Variants in PLXND1 observed in about 807,000 individuals in gnomAD.
PLXND1 encodes the protein plexin-D1.
Under a neutral mutation model 197.7 loss-of-function variants are expected in PLXND1, and 54 were observed. That is an observed-to-expected ratio of 0.27 (90% CI 0.22 to 0.34). The LOEUF (loss-of-function observed/expected upper bound fraction) is 0.34, where lower values mean the gene tolerates loss of function less well. Among genes scored for constraint, PLXND1 ranks in the 10% least tolerant of loss-of-function variants. The pLI is 1.00. For synonymous variants in PLXND1, 1,180 were observed against 1,161.2 expected, an observed-to-expected ratio of 1.02 and a Z score of -0.33; for missense variants, 2,127 against 2,699.2, an observed-to-expected ratio of 0.79 and a Z score of 4.70.
chr3:129,572,818 C>G (rs1276510160), intron 14 of PLXND1, 24 bp downstream of exon 14: 1 of 1,612,470 alleles, frequency 6.2e-7, no homozygotes, highest in East Asian at 2.2e-5. Flanking sequence ...GCGGGCCGGA[C>G]AGTGGGCTGC....
At chr3:129,597,834 A>G (rs951727485) in intron 1 of PLXND1, among the ~76,000 whole-genome samples, 2 of 152,198 alleles carry the variant, frequency 1.3e-5, no homozygotes, top group Admixed American at 1.3e-4. Flanking sequence ...CGTGGCTGGC[A>G]CTCAGAGACT....
rs766102747 is a variant in PLXND1 at position 129,559,693 on chromosome 3, C to T, written c.5224G>A (p.Asp1742Asn). ...KPPLAVKYFF[D>N]FLEEQAEKRG... ...TTCTCAGCCTGCTCCTCCAGGAAGT[C>T]GAAAAAGTACTTGACAGCCAGTGGG... Residue 1742 changes from aspartate (D) to asparagine (N), a missense_variant, in exon 32 of 36, where the codon GAC becomes AAC. This residue lies in a region of PLXND1 where 200 missense variants were observed against 303.3 expected (regional missense o/e 0.66). Coordinates refer to ENST00000324093, the MANE Select transcript of PLXND1 (RefSeq NM_015103.3). 6.2e-6 allele frequency: 10 copies of T among 1,613,230 alleles called. No homozygotes were observed. The highest frequency in any genetic ancestry group is 1.3e-5 in the African/African-American group (1 of 74,888).
intron 29 of PLXND1, chr3:129,561,043 C>A (rs1363208514): frequency 2.3e-5 from 12 of 515,564 alleles, no homozygotes; most frequent in Non-Finnish European, 1.1e-5. Context: ...CACAGTGACC[C>A]GGGATGGAGG....
intron 22 of PLXND1, among the ~76,000 whole-genome samples, 183 bp downstream of exon 22, chr3:129,567,309 G>A (rs2085154628): frequency 6.6e-6 from 1 of 152,188 alleles, no homozygotes; most frequent in Non-Finnish European, 1.5e-5. Context: ...GAGAATGACA[G>A]TGGAGAATCT....
intron 24 of PLXND1, 30 bp from the exon 25 acceptor site, chr3:129,565,568 C>T (rs1171787715): frequency 4.4e-6 from 7 of 1,589,158 alleles, no homozygotes; most frequent in East Asian, 2.2e-5. Flanking sequence ...GTCAACTGCA[C>T]CTTGAGGCCC....
At chr3:129,580,345 C>T (rs935070061) in intron 8 of PLXND1, among the ~76,000 whole-genome samples, 3 of 152,184 alleles carry the variant, frequency 2.0e-5, no homozygotes, top group Non-Finnish European at 4.4e-5. Flanking sequence ...CAAGGAGGGG[C>T]CCAGACGGAG....
At position 129,555,641 on chromosome 3, in the gene PLXND1, T is replaced by C; in HGVS notation, c.*671A>G. 1 of 553,654 alleles carries C rather than the reference T, an allele frequency of 1.8e-6. No homozygotes were observed. Among genetic ancestry groups the C allele is most frequent in the South Asian group, 2.3e-5 (1 of 42,916 alleles). The allele number at this position is 553,654 out of a possible 1,614,324, so 34.3% of individuals were successfully genotyped here. ...TGCATCTTAACCCCTCTCCTTTTCCTGGAGACGGGGCTCCCAGCTCCTGTG... is the reference window on the plus strand; with the variant it reads ...TGCATCTTAACCCCTCTCCTTTTCCCGGAGACGGGGCTCCCAGCTCCTGTG... On this transcript the variant is annotated 3_prime_UTR_variant, in exon 36 of 36. Transcript: ENST00000324093.
At chr3:129,572,995 A>G (rs771308199) in intron 13 of PLXND1, 54 bp from the exon 14 acceptor site, 6 of 1,296,162 alleles carry the variant, frequency 4.6e-6, no homozygotes, top group Non-Finnish European at 6.7e-6. Flanking sequence ...CGGCCACCCT[A>G]GAGCCAGGCT....
chr3:129,562,119 G>T (rs2085070851), intron 27 of PLXND1, among the ~76,000 whole-genome samples: 1 of 152,162 alleles, frequency 6.6e-6, no homozygotes, highest in Admixed American at 6.5e-5. Context: ...AGGTGCCAGG[G>T]TGGAGGGCAC....
chr3:129,563,342 AG>A (rs1272376293), intron 25 of PLXND1, 102 bp from the exon 26 acceptor site: 4 of 965,800 alleles, frequency 4.1e-6, no homozygotes, highest in Non-Finnish European at 6.0e-6. Context: ...CCCCTCCAAC[AG>A]TCTCCTTTTG....
chr3:129,584,039 T>C, intron 7 of PLXND1, 86 bp downstream of exon 7: 1 of 836,372 alleles, frequency 1.2e-6, no homozygotes, highest in South Asian at 1.5e-5. Context: ...TGATTTTTCT[T>C]CTCAGGGCCC....
intron 1 of PLXND1, among the ~76,000 whole-genome samples, chr3:129,604,131 C>T (rs536893085): frequency 3.4e-4 from 52 of 152,176 alleles, no homozygotes; most frequent in Non-Finnish European, 4.0e-4. Flanking sequence ...ACCTGGCCCC[C>T]CTTGCTACTG....
intron 31 of PLXND1, 140 bp from the exon 32 acceptor site, chr3:129,559,923 T>A: frequency 1.4e-6 from 1 of 728,312 alleles, no homozygotes; most frequent in Non-Finnish European, 2.2e-6. Context: ...TCACCGAGCC[T>A]CTCTGGCTCA....
chr3:129,584,502 C>G lies in PLXND1; in HGVS notation c.1912G>C (p.Asp638His). 1 of 1,613,940 alleles carries G rather than the reference C, an allele frequency of 6.2e-7. No homozygotes were observed. ...PSLSGMEMAC[D>H]YGNNIRTVAR... ...ACAGTGCGGATGTTGTTCCCATAGT[C>G]ACAGGCCATCTCCATGCCACTGAGG... The change falls in exon 6 of 36, where the codon GAC becomes CAC. Residue 638 changes from aspartate (D) to histidine (H), a missense_variant. By Grantham distance (81) the Asp-to-His change is moderately conservative. Around this residue, in one of 6 missense-constraint regions of PLXND1, gnomAD observed 1,095 missense variants for 1,259.8 expected, o/e 0.87. Coordinates refer to ENST00000324093, the MANE Select transcript of PLXND1 (RefSeq NM_015103.3).
Position 129,556,195 on chromosome 3 carries a change from AGCCGTCTCT to A in PLXND1, c.*108_*116del, listed in dbSNP as rs1455653447. 3.9e-6 allele frequency: 3 copies of A among 764,834 alleles called. No homozygotes were observed. The Admixed American group carries it at 5.9e-5, about 15-fold the overall frequency. 47.4% of individuals were successfully genotyped at this position (764,834 alleles called of 1,614,324 possible). A position where few individuals can be genotyped will look rare whatever the true frequency, so the allele number is the denominator to read the frequency against. Reference sequence around the variant, plus strand: ...CAGCCCCTCCTCCTGCCCCCGCCCCAGCCGTCTCTGCTCAGTATTTCCCAGTCTGAGTCA... The same window carrying A: ...CAGCCCCTCCTCCTGCCCCCGCCCCAGCTCAGTATTTCCCAGTCTGAGTCA... On this transcript the variant is annotated 3_prime_UTR_variant, in exon 36 of 36. Coordinates refer to ENST00000324093, the MANE Select transcript of PLXND1 (RefSeq NM_015103.3).
Position 129,586,653 on chromosome 3 carries a change from C to T in PLXND1, c.1555G>A (p.Val519Met), listed in dbSNP as rs146955703. 67 of 1,584,672 alleles carry T rather than the reference C, an allele frequency of 4.2e-5. No homozygotes were observed. In the South Asian group the frequency reaches 5.8e-4, roughly 14 times the overall value. The change falls in exon 3 of 36, where the codon GTG (valine) becomes ATG (methionine). Residue 519 changes from valine to methionine, a missense_variant. Coordinates refer to ENST00000324093, the MANE Select transcript of PLXND1 (RefSeq NM_015103.3). ...RVVTVAYGEP[V>M]HHVMQFDPAD... ...GGGTCAAACTGCATGACATGGTGCA[C>T]GGGCTCCCCATAGGCCACAGTCACC...
Position 129,560,323 on chromosome 3 carries a change from G to A in PLXND1, c.5133+7C>T, listed in dbSNP as rs373108249. The A allele has an allele frequency of 8.9e-6, 14 of 1,581,192 alleles. No individual in the cohort carries two copies. The Middle Eastern group carries it at 6.7e-4, about 75-fold the overall frequency. On this transcript the variant is annotated splice_region_variant and intron_variant, in intron 31 of 35. Coordinates refer to ENST00000324093, the MANE Select transcript of PLXND1 (RefSeq NM_015103.3). ...CTGCACAGAGGGGAGACTGAGGCCGGACTCACCTTGGTGGAGAGCAGGCGG... is the reference window on the plus strand; with the variant it reads ...CTGCACAGAGGGGAGACTGAGGCCGAACTCACCTTGGTGGAGAGCAGGCGG...
rs2085084574 is a variant in PLXND1, at chr3:129,563,038, A to G, written c.4668+56T>C. ...AGGCCCTGCAGAGGAAGGCTGGGTC[A>G]ATGCCGTTGGCGGCGACACAGCAGC... is the stretch of plus-strand genomic sequence containing the variant. On this transcript the variant is annotated intron_variant, in intron 26 of 35. Transcript: ENST00000324093. 5 of 1,611,350 alleles carry G rather than the reference A, an allele frequency of 3.1e-6. No homozygotes were observed. The African/African-American group carries it at 5.3e-5, about 17-fold the overall frequency.
intron 3 of PLXND1, 64 bp from the exon 4 acceptor site, chr3:129,586,336 C>T (rs563649581): frequency 9.3e-6 from 12 of 1,296,832 alleles, no homozygotes; most frequent in East Asian, 2.5e-5. Flanking sequence ...GGAGGTGGTA[C>T]GGTCAGCATG....
Sources: gnomAD v4.1 joint callset for allele counts (sites outside exome capture counted in the v4.1 genomes callset) on GRCh38, gnomAD v4.1.1 for gene constraint, gnomAD v4.1.1 regional missense constraint, MANE v1.5 for transcripts, NCBI Gene and HGNC (gene_info 2026-07-23, HGNC 2026-07-21) for gene names.